ASCC3: variants seen among roughly 807,000 people sequenced by gnomAD.
ASCC3 encodes the protein activating signal cointegrator 1 complex subunit 3.
In ASCC3, 158 loss-of-function variants were observed where a neutral mutation model predicts 256.3. The ratio of observed to expected loss-of-function variants is 0.62; its 90% CI spans 0.54 to 0.70. ASCC3 has a LOEUF of 0.70. ASCC3 is among the 30% of genes least tolerant of loss of function. The pLI is 0.00. For synonymous variants in ASCC3, 948 were observed against 883.4 expected (o/e 1.07, Z -1.30); for missense variants, 2,259 against 2,626.0 (o/e 0.86, Z 3.05).
chr6:100,563,280 C>T (rs1417871024), intron 36 of ASCC3, among the ~76,000 whole-genome samples: 1 of 152,088 alleles, frequency 6.6e-6, no homozygotes, highest in Non-Finnish European at 1.5e-5. Flanking sequence ...TCCCATCTTC[C>T]CGTTTTAGAA....
chr6:100,578,229 C>G (rs1264232224), intron 36 of ASCC3, among the ~76,000 whole-genome samples: 1 of 151,866 alleles, frequency 6.6e-6, no homozygotes. Context: ...GAATTTTTAC[C>G]AATTCTGACA....
intron 36 of ASCC3, among the ~76,000 whole-genome samples, chr6:100,585,381 A>C (rs987974495): frequency 6.6e-6 from 1 of 152,042 alleles, no homozygotes; most frequent in African/African-American, 2.4e-5. Context: ...TCGGCTCCTG[A>C]GGCTTCTGCA....
chr6:100,603,738 T>C (rs1054838642), intron 33 of ASCC3, among the ~76,000 whole-genome samples: 1 of 152,116 alleles, frequency 6.6e-6, no homozygotes, highest in African/African-American at 2.4e-5. Context: ...TGGTGAATTA[T>C]ATCCATTCAT....
intron 36 of ASCC3, among the ~76,000 whole-genome samples, chr6:100,587,602 A>G (rs1771768528): frequency 6.6e-6 from 1 of 152,150 alleles, no homozygotes; most frequent in Admixed American, 6.5e-5. Context: ...ACCATGGGAG[A>G]AGAAGATATT....
At position 100,518,028 on chromosome 6, in the gene ASCC3, G is replaced by C. The variant is rs780261391; in HGVS notation, c.5890C>G (p.Leu1964Val). 1.9e-6 allele frequency: 3 copies of C among 1,613,404 alleles called. No homozygotes were observed. Among genetic ancestry groups the C allele is most frequent in the Non-Finnish European group, 2.5e-6 (3 of 1,179,560 alleles). ...RWLKDSSLLTLPNIENHHLHL... is the reference protein window; with the variant it reads ...RWLKDSSLLTVPNIENHHLHL... ...AGATGATGGTTTTCTATGTTTGGTA[G>C]TGTAAGAAGAGAAGAGTCCTTTAAC... Residue 1964 changes from leucine to valine, a missense_variant, in exon 38 of 42, where the codon CTA becomes GTA. This residue lies in a region of ASCC3 where 1,839 missense variants were observed against 2,206.7 expected (regional missense o/e 0.83). Transcript: ENST00000369162.
intron 13 of ASCC3, among the ~76,000 whole-genome samples, chr6:100,704,765 G>T (rs1197286981): frequency 6.6e-6 from 1 of 151,902 alleles, no homozygotes; most frequent in Non-Finnish European, 1.5e-5. Flanking sequence ...GTATCACAAG[G>T]CCTTTTATTC....
intron 4 of ASCC3, among the ~76,000 whole-genome samples, chr6:100,811,288 C>T (rs1018792732): frequency 2.2e-4 from 33 of 151,888 alleles, no homozygotes; most frequent in Non-Finnish European, 3.4e-4. Context: ...ATTATAGCTC[C>T]GATAAGATCA....
intron 4 of ASCC3, among the ~76,000 whole-genome samples, chr6:100,817,874 C>T (rs1022456698): frequency 6.6e-6 from 1 of 152,016 alleles, no homozygotes; most frequent in Non-Finnish European, 1.5e-5. Context: ...ACACTCGTTA[C>T]AAAAAGAGAA....
Position 100,513,910 on chromosome 6 carries a change from C to CT in ASCC3, c.6076-993dup, listed in dbSNP as rs567213049. On this transcript the variant is annotated intron_variant, in intron 39 of 41. Transcript: ENST00000369162. ...TCAAGAAAACTTCTCAATACATTGG[C>CT]TTTTTTTTTTTTAATCAGTTGTTAC... Among the ~76,000 whole-genome samples, 600 of 140,614 alleles carry CT rather than the reference C, an allele frequency of 4.3e-3. 3 individuals carry two copies. The highest frequency in any genetic ancestry group is 0.024 in the South Asian group (102 of 4,322). The allele number at this position is 140,614 out of a possible 152,430, so 92.2% of individuals were successfully genotyped here. A position where few individuals can be genotyped will look rare whatever the true frequency, so the allele number is the denominator to read the frequency against.
intron 21 of ASCC3, among the ~76,000 whole-genome samples, chr6:100,646,981 G>T (rs1209775118): frequency 1.3e-5 from 2 of 152,102 alleles, no homozygotes; most frequent in Non-Finnish European, 2.9e-5. Flanking sequence ...CAGTATCAAG[G>T]TTTCTTTAGC....
chr6:100,521,388 G>A (rs1325421841), intron 37 of ASCC3, among the ~76,000 whole-genome samples: 1 of 152,080 alleles, frequency 6.6e-6, no homozygotes, highest in African/African-American at 2.4e-5. Flanking sequence ...AAGAAGGGAG[G>A]ATAGTCTATC....
At chr6:100,705,075 A>C (rs1184467465) in intron 13 of ASCC3, among the ~76,000 whole-genome samples, 1 of 152,080 alleles carries the variant, frequency 6.6e-6, no homozygotes, top group Non-Finnish European at 1.5e-5. Flanking sequence ...ACGTCTCATT[A>C]GTTTGAGCAG....
At chr6:100,512,649 G>A in intron 40 of ASCC3, 60 bp downstream of exon 40, 1 of 1,489,904 alleles carries the variant, frequency 6.7e-7, no homozygotes, top group East Asian at 2.3e-5. Flanking sequence ...ACAGATATGT[G>A]TGGTGGTGCA....
chr6:100,575,037 C>T (rs1037396648), intron 36 of ASCC3, among the ~76,000 whole-genome samples: 8 of 151,928 alleles, frequency 5.3e-5, no homozygotes, highest in Non-Finnish European at 7.4e-5. Flanking sequence ...AAGCTCTTCT[C>T]GCAAACCCTG....
In ASCC3 at chr6:100,508,601, C is replaced by T. The variant is rs1225118950; in HGVS notation, c.*785G>A. The T allele has an allele frequency of 6.6e-6, 1 of 152,060 alleles. No individual in the cohort carries two copies. The highest frequency in any genetic ancestry group is 1.5e-5 in the Non-Finnish European group (1 of 68,018). The allele number at this position is 152,060 out of a possible 1,614,324, so 9.4% of individuals were successfully genotyped here. On this transcript the variant is annotated 3_prime_UTR_variant, in exon 42 of 42. Coordinates refer to ENST00000369162, the MANE Select transcript of ASCC3 (RefSeq NM_006828.4). ...ACAACATGAATTAGATTATACTTCT[C>T]TACTTCTGTAAATAAATATGTCAGA...
At chr6:100,723,883 TATATATATATATATTTATA>T (rs1317287536) in intron 11 of ASCC3, among the ~76,000 whole-genome samples, 6 of 138,986 alleles carry the variant, frequency 4.3e-5, no homozygotes, top group Admixed American at 1.5e-4. Context: ...TATATATATA[TATATATATATATATTTATA>T]ATTATATATA....
At chr6:100,709,177 G>A (rs1372768772) in intron 13 of ASCC3, among the ~76,000 whole-genome samples, 1 of 152,098 alleles carries the variant, frequency 6.6e-6, no homozygotes, top group Non-Finnish European at 1.5e-5. Flanking sequence ...ATGGTCATAC[G>A]GCAAGACCAC....
chr6:100,783,656 T>G (rs931210732), intron 8 of ASCC3, among the ~76,000 whole-genome samples: 8 of 152,130 alleles, frequency 5.3e-5, no homozygotes, highest in Non-Finnish European at 1.5e-5. Context: ...AGATCTTACA[T>G]ACTACTTCAC....
At chr6:100,785,851 C>T (rs958842165) in intron 8 of ASCC3, among the ~76,000 whole-genome samples, 3 of 152,142 alleles carry the variant, frequency 2.0e-5, no homozygotes, top group Admixed American at 2.0e-4. Flanking sequence ...AAATATACTT[C>T]ACAGCCTGAT....
Sources: allele counts gnomAD v4.1 joint callset (sites outside exome capture counted in the v4.1 genomes callset), GRCh38; gene constraint gnomAD v4.1.1; regional missense constraint gnomAD v4.1.1; transcripts MANE v1.5; gene names NCBI Gene and HGNC (gene_info 2026-07-23, HGNC 2026-07-21).